The following EPHA6 variants were observed in gnomAD, a reference collection of about 807,000 sequenced individuals.
EPHA6 encodes the protein EPH receptor A6, also known as ephrin type-A receptor 6.
EPHA6 carries 50 observed loss-of-function variants against 112.0 expected under a neutral mutation model. The observed-to-expected ratio is 0.45, with a 90% confidence interval of 0.36 to 0.56. The LOEUF (loss-of-function observed/expected upper bound fraction) is 0.56, where lower values mean the gene tolerates loss of function less well. Among genes scored for constraint, EPHA6 ranks in the 20% least tolerant of loss-of-function variants. The pLI is 0.00. For missense variants in EPHA6, 1,280 were observed against 1,417.4 expected (o/e 0.90, Z 1.56); for synonymous variants, 529 against 490.7 (o/e 1.08, Z -1.03).
In EPHA6 at chr3:97,013,609, G is replaced by A. The variant is rs551335335; in HGVS notation, c.1114+25616G>A. On this transcript the variant is annotated intron_variant, in intron 3 of 17. Coordinates refer to ENST00000389672, the MANE Select transcript of EPHA6 (RefSeq NM_001080448.3). ...ATAATTGTGCTGTTGCTTATATGAA[G>A]GGATGTACACTCACATGGAGGCCAT... is the stretch of plus-strand genomic sequence containing the variant. Among the ~76,000 whole-genome samples, 124 of 152,198 alleles carry A rather than the reference G, an allele frequency of 8.1e-4. 1 individual carries two copies. The highest frequency in any genetic ancestry group is 2.8e-3 in the African/African-American group (115 of 41,538).
intron 3 of EPHA6, among the ~76,000 whole-genome samples, chr3:97,201,598 G>C (rs2077579430): frequency 6.6e-6 from 1 of 152,006 alleles, no homozygotes; most frequent in Admixed American, 6.6e-5. Flanking sequence ...TTAATGACTA[G>C]AAATCCCTCA....
intron 15 of EPHA6, among the ~76,000 whole-genome samples, chr3:97,725,303 G>A (rs1313838077): frequency 6.6e-6 from 1 of 152,024 alleles, no homozygotes; most frequent in African/African-American, 2.4e-5. Flanking sequence ...GCTTTGTTAG[G>A]ACCTTGCCCC....
chr3:96,894,806 T>A (rs1243587331), intron 2 of EPHA6, among the ~76,000 whole-genome samples: 1 of 151,846 alleles, frequency 6.6e-6, no homozygotes, highest in Admixed American at 6.6e-5. Flanking sequence ...AATGCATAGA[T>A]GAACAAGAAA....
At chr3:96,815,489 C>T (rs142008550) in intron 1 of EPHA6, among the ~76,000 whole-genome samples, 1 of 152,210 alleles carries the variant, frequency 6.6e-6, no homozygotes, top group Non-Finnish European at 1.5e-5. Context: ...CCTCGCCCAG[C>T]CTCAGTCCCC....
At chr3:97,324,721 G>A (rs766504204) in intron 5 of EPHA6, among the ~76,000 whole-genome samples, 4 of 151,718 alleles carry the variant, frequency 2.6e-5, no homozygotes, top group Admixed American at 6.6e-5. Flanking sequence ...GCATTTTTTA[G>A]TAGAGATGGG....
At position 97,671,700 on chromosome 3, in the gene EPHA6, G is replaced by A. The variant is rs558588504; in HGVS notation, c.2784+33618G>A. Among the ~76,000 whole-genome samples the A allele has an allele frequency of 1.1e-4, 16 of 152,174 alleles. 1 individual carries two copies. The highest frequency in any genetic ancestry group is 3.9e-4 in the African/African-American group (16 of 41,532). ...TTTTAAAAACCTGTGGCCTTGGATA[G>A]ACTCAGGGCAAAATAATTTAATGCT... On this transcript the variant is annotated intron_variant, in intron 14 of 17. Transcript: ENST00000389672.
intron 5 of EPHA6, among the ~76,000 whole-genome samples, chr3:97,251,470 C>T (rs762916497): frequency 1.3e-5 from 2 of 152,022 alleles, no homozygotes; most frequent in Non-Finnish European, 1.5e-5. Flanking sequence ...GCGGAGCTTG[C>T]AGTGAGCTGA....
intron 3 of EPHA6, among the ~76,000 whole-genome samples, chr3:97,106,040 G>A (rs2108271171): frequency 6.6e-6 from 1 of 152,162 alleles, no homozygotes; most frequent in African/African-American, 2.4e-5. Flanking sequence ...GCCTAAGGGT[G>A]TTATTGCATT....
intron 7 of EPHA6, chr3:97,466,201 A>C (rs1296791944): frequency 1.3e-6 from 1 of 755,006 alleles, no homozygotes; most frequent in Non-Finnish European, 2.4e-6. Flanking sequence ...AATCCTATCC[A>C]TCCAGTTACC....
At chr3:96,863,262 C>T (rs1445218419) in intron 1 of EPHA6, among the ~76,000 whole-genome samples, 1 of 151,552 alleles carries the variant, frequency 6.6e-6, no homozygotes, top group African/African-American at 2.4e-5. Flanking sequence ...TTTTTTCTTC[C>T]TACTGAGTTT....
chr3:97,419,113 T>C (rs1431542615), intron 6 of EPHA6, among the ~76,000 whole-genome samples: 1 of 152,066 alleles, frequency 6.6e-6, no homozygotes. Context: ...AACACCTGCC[T>C]GACCAGTATG....
intron 4 of EPHA6, among the ~76,000 whole-genome samples, chr3:97,236,500 G>T (rs1250074933): frequency 6.6e-6 from 1 of 152,076 alleles, no homozygotes; most frequent in Admixed American, 6.6e-5. Context: ...CATTTACGTT[G>T]CCTACTTAGA....
chr3:97,628,519 G>GT (rs907935575), intron 13 of EPHA6, among the ~76,000 whole-genome samples: 33 of 151,882 alleles, frequency 2.2e-4, no homozygotes, highest in African/African-American at 7.2e-4. Context: ...TTCCTGATCT[G>GT]TTTTTTCAGG....
chr3:96,914,433 A>G (rs2039386728), intron 2 of EPHA6, among the ~76,000 whole-genome samples: 1 of 152,194 alleles, frequency 6.6e-6, no homozygotes, highest in African/African-American at 2.4e-5. Flanking sequence ...TAGCACCCAC[A>G]AATGTACTTA....
At chr3:97,355,956 A>T (rs1455871388) in intron 5 of EPHA6, among the ~76,000 whole-genome samples, 1 of 152,188 alleles carries the variant, frequency 6.6e-6, no homozygotes, top group African/African-American at 2.4e-5. Flanking sequence ...ATATGATGAT[A>T]AAAGGGTCAA....
At chr3:97,266,757 T>G (rs896215797) in intron 5 of EPHA6, among the ~76,000 whole-genome samples, 1 of 152,154 alleles carries the variant, frequency 6.6e-6, no homozygotes, top group Non-Finnish European at 1.5e-5. Flanking sequence ...TGCATAAACC[T>G]CTGGAAAACT....
At chr3:97,328,951 T>G (rs2082626530) in intron 5 of EPHA6, among the ~76,000 whole-genome samples, 1 of 152,172 alleles carries the variant, frequency 6.6e-6, no homozygotes, top group Middle Eastern at 3.2e-3. Flanking sequence ...TATCTCCTAA[T>G]GCTATCCCTC....
At position 97,367,572 on chromosome 3, in the gene EPHA6, A is replaced by T. The variant is rs112699813; in HGVS notation, c.1607-37578A>T. ...TTGTGTTGGGGGGTTGTTTTTATTT[A>T]TTTTTTTTTTGTAGTTTTCTGTTTC... On this transcript the variant is annotated intron_variant, in intron 5 of 17. Coordinates refer to ENST00000389672, the MANE Select transcript of EPHA6 (RefSeq NM_001080448.3). 2.7e-3 allele frequency among the ~76,000 whole-genome samples: 397 copies of T among 147,870 alleles called. 1 individual carries two copies. The highest frequency in any genetic ancestry group is 9.2e-3 in the African/African-American group (372 of 40,428).
At chr3:96,860,945 A>T (rs2035970970) in intron 1 of EPHA6, among the ~76,000 whole-genome samples, 1 of 152,030 alleles carries the variant, frequency 6.6e-6, no homozygotes, top group Admixed American at 6.6e-5. Context: ...GAACAATTTT[A>T]TAGGAAAGCA....
Sources: allele counts gnomAD v4.1 joint callset (sites outside exome capture counted in the v4.1 genomes callset), GRCh38; gene constraint gnomAD v4.1.1; transcripts MANE v1.5; gene names NCBI Gene and HGNC (gene_info 2026-07-23, HGNC 2026-07-21).